CSMD1: variants seen among roughly 807,000 people sequenced by gnomAD.
The protein encoded by CSMD1 is CUB and Sushi multiple domains 1, also known as CUB and sushi domain-containing protein 1.
In CSMD1, 213 loss-of-function variants were observed where a neutral mutation model predicts 417.5. The observed-to-expected ratio is 0.51, with a 90% confidence interval of 0.46 to 0.57. The LOEUF is 0.57. Among genes scored for constraint, CSMD1 ranks in the 20% least tolerant of loss-of-function variants. The probability of loss-of-function intolerance (pLI) is 0.00; values close to 1 mark genes in which losing one functional copy is unlikely to be tolerated. For missense variants in CSMD1, 6,923 were observed against 4,529.7 expected, an observed-to-expected ratio of 1.53 and a Z score of -15.17; for synonymous variants, 2,862 against 1,736.8, an observed-to-expected ratio of 1.65 and a Z score of -16.11.
At chr8:4,906,913 C>T (rs148379979) in intron 1 of CSMD1, among the ~76,000 whole-genome samples, 1 of 152,264 alleles carries the variant, frequency 6.6e-6, no homozygotes, top group East Asian at 1.9e-4. Flanking sequence ...AATGTGGAAA[C>T]TGACTATATT....
At chr8:4,785,090 G>A (rs1319790554) in intron 1 of CSMD1, among the ~76,000 whole-genome samples, 1 of 152,196 alleles carries the variant, frequency 6.6e-6, no homozygotes, top group Non-Finnish European at 1.5e-5. Context: ...ATCTCTCTGG[G>A]TCATGAGTGC....
intron 5 of CSMD1, among the ~76,000 whole-genome samples, chr8:3,949,070 TTTAA>T (rs546556473): frequency 4.5e-4 from 68 of 152,200 alleles, no homozygotes; most frequent in Non-Finnish European, 9.0e-4. Context: ...AAAAGCTATT[TTTAA>T]TTAATAAATA....
chr8:4,084,171 G>C (rs1276625776), intron 3 of CSMD1, among the ~76,000 whole-genome samples: 2 of 149,622 alleles, frequency 1.3e-5, no homozygotes, highest in South Asian at 2.1e-4. Flanking sequence ...AATTAAAAGA[G>C]AAAGAATTTT....
At chr8:3,318,886 C>G (rs550486441) in intron 23 of CSMD1, among the ~76,000 whole-genome samples, 3 of 152,130 alleles carry the variant, frequency 2.0e-5, no homozygotes, top group African/African-American at 7.2e-5. Flanking sequence ...TGACTGTAAA[C>G]TAACACAGGT....
intron 1 of CSMD1, among the ~76,000 whole-genome samples, chr8:4,868,601 G>A (rs1802552860): frequency 6.6e-6 from 1 of 151,942 alleles, no homozygotes; most frequent in Non-Finnish European, 1.5e-5. Context: ...TCTAAATTGA[G>A]GCATAATGAA....
chr8:3,252,737 A>T (rs1417236559), intron 26 of CSMD1, among the ~76,000 whole-genome samples: 1 of 152,192 alleles, frequency 6.6e-6, no homozygotes, highest in African/African-American at 2.4e-5. Context: ...CCTCAATTTC[A>T]GAGCCTGTTA....
intron 2 of CSMD1, among the ~76,000 whole-genome samples, chr8:4,579,511 C>T (rs747910923): frequency 2.0e-5 from 3 of 151,776 alleles, no homozygotes; most frequent in Admixed American, 6.6e-5. Flanking sequence ...TACAGGCACC[C>T]GCCACCACGC....
intron 26 of CSMD1, among the ~76,000 whole-genome samples, chr8:3,238,626 T>C (rs1272922603): frequency 6.6e-6 from 1 of 151,984 alleles, no homozygotes; most frequent in African/African-American, 2.4e-5. Flanking sequence ...AGAAGAAACA[T>C]TTGTCATTTA....
intron 5 of CSMD1, among the ~76,000 whole-genome samples, chr8:3,965,111 G>C (rs562173228): frequency 2.3e-4 from 35 of 152,216 alleles, no homozygotes; most frequent in African/African-American, 8.4e-4. Flanking sequence ...ATAACTTCAG[G>C]CTATTATTAT....
chr8:4,614,049 T>A (rs971008772), intron 2 of CSMD1, among the ~76,000 whole-genome samples: 9 of 152,142 alleles, frequency 5.9e-5, no homozygotes, highest in African/African-American at 2.2e-4. Flanking sequence ...TGCAAAATTA[T>A]GATAAGCAAT....
At chr8:3,384,063 C>T (rs574012010) in intron 18 of CSMD1, among the ~76,000 whole-genome samples, 1 of 152,140 alleles carries the variant, frequency 6.6e-6, no homozygotes, top group Admixed American at 6.5e-5. Context: ...CTGGGCGAGG[C>T]TGTGAAAGCG....
chr8:3,447,750 G>A (rs573584940), intron 12 of CSMD1, among the ~76,000 whole-genome samples: 49 of 152,208 alleles, frequency 3.2e-4, no homozygotes, highest in African/African-American at 1.2e-3. Context: ...GGAGTGGCCA[G>A]TCAGGTTCTC....
chr8:3,830,299 C>A (rs903034371), intron 5 of CSMD1, among the ~76,000 whole-genome samples: 2 of 152,190 alleles, frequency 1.3e-5, no homozygotes, highest in South Asian at 2.1e-4. Flanking sequence ...GGCTCTGGGG[C>A]AAACTAAGCG....
At chr8:3,917,124 G>C (rs1010108642) in intron 5 of CSMD1, among the ~76,000 whole-genome samples, 4 of 152,160 alleles carry the variant, frequency 2.6e-5, no homozygotes, top group East Asian at 1.9e-4. Flanking sequence ...ATAAAAGATA[G>C]TCTAAGAGAA....
intron 6 of CSMD1, among the ~76,000 whole-genome samples, chr8:3,741,139 G>C (rs1198709945): frequency 2.0e-5 from 3 of 150,434 alleles, no homozygotes; most frequent in African/African-American, 7.3e-5. Context: ...ACTTGAAGCT[G>C]GGAGGTGGAG....
At chr8:4,879,376 G>T (rs1585253792) in intron 1 of CSMD1, among the ~76,000 whole-genome samples, 1 of 152,032 alleles carries the variant, frequency 6.6e-6, no homozygotes, top group Non-Finnish European at 1.5e-5. Flanking sequence ...TGAATAAATG[G>T]CATGAGTAAC....
rs1417983240 is a variant in CSMD1, at chr8:4,994,826, C to G, written c.-410G>C. 1 of 169,538 alleles carries G rather than the reference C, an allele frequency of 5.9e-6. No homozygotes were observed. The highest frequency in any genetic ancestry group is 6.4e-5 in the Admixed American group (1 of 15,586). 10.5% of individuals were successfully genotyped at this position (169,538 alleles called of 1,614,324 possible). On this transcript the variant is annotated 5_prime_UTR_variant, in exon 1 of 70. Coordinates refer to ENST00000635120, the MANE Select transcript of CSMD1 (RefSeq NM_033225.6). Reference sequence around the variant, plus strand: ...AGTGGGAGATGCGGGGAGGGGGGCGCGGGGGGGAGGAGAGATCCAGTCTAG... The same window carrying G: ...AGTGGGAGATGCGGGGAGGGGGGCGGGGGGGGGAGGAGAGATCCAGTCTAG...
intron 2 of CSMD1, among the ~76,000 whole-genome samples, chr8:4,591,083 G>A (rs1028817395): frequency 6.6e-5 from 10 of 152,214 alleles, no homozygotes; most frequent in African/African-American, 2.4e-4. Flanking sequence ...CCCAGGATCT[G>A]CTATTCTCTA....
intron 33 of CSMD1, among the ~76,000 whole-genome samples, chr8:3,194,785 C>G (rs1052972037): frequency 3.3e-5 from 5 of 151,916 alleles, no homozygotes; most frequent in Non-Finnish European, 7.4e-5. Flanking sequence ...AACTATATTT[C>G]CATGAATGCT....
Sources: gnomAD v4.1 joint callset for allele counts (sites outside exome capture counted in the v4.1 genomes callset) on GRCh38, gnomAD v4.1.1 for gene constraint, MANE v1.5 for transcripts, NCBI Gene and HGNC (gene_info 2026-07-23, HGNC 2026-07-21) for gene names.